The following RYR2 variants were observed in gnomAD, a reference collection of about 807,000 sequenced individuals.
RYR2 encodes the protein ryanodine receptor 2.
Under a neutral mutation model 601.1 loss-of-function variants are expected in RYR2, and 227 were observed. The observed-to-expected ratio is 0.38, with a 90% CI of 0.34 to 0.42. RYR2 has a LOEUF of 0.42. Among genes scored for constraint, RYR2 ranks in the 10% least tolerant of loss-of-function variants. The pLI, the probability that RYR2 is intolerant of heterozygous loss-of-function variation, is 1.00. For synonymous variants in RYR2, 2,223 were observed against 2,175.1 expected, an observed-to-expected ratio of 1.02 and a Z score of -0.61; for missense variants, 4,646 against 6,156.5, an observed-to-expected ratio of 0.75 and a Z score of 8.21.
chr1:237,661,731 A>G (rs1223756312), intron 56 of RYR2, among the ~76,000 whole-genome samples: 2 of 152,164 alleles, frequency 1.3e-5, no homozygotes, highest in Non-Finnish European at 2.9e-5. Flanking sequence ...ATACAGCCAC[A>G]CAGGCAGAGC....
At chr1:237,741,026 C>T (rs1691562649) in intron 79 of RYR2, among the ~76,000 whole-genome samples, 1 of 152,184 alleles carries the variant, frequency 6.6e-6, no homozygotes, top group African/African-American at 2.4e-5. Context: ...ACATTTCCTG[C>T]TTTCTGAGGG....
At chr1:237,084,232 G>A (rs768893428) in intron 1 of RYR2, among the ~76,000 whole-genome samples, 3 of 151,988 alleles carry the variant, frequency 2.0e-5, no homozygotes, top group Non-Finnish European at 4.4e-5. Flanking sequence ...TTTCAAATTC[G>A]GCTTATCCCA....
chr1:237,199,661 T>A (rs1454016452), intron 1 of RYR2, among the ~76,000 whole-genome samples: 1 of 152,200 alleles, frequency 6.6e-6, no homozygotes, highest in Non-Finnish European at 1.5e-5. Flanking sequence ...AACAATACTT[T>A]GCATCCTTCA....
In RYR2 at chr1:237,702,566, G is replaced by A. The variant is rs182536296; in HGVS notation, c.9449+507G>A. ...CTGTGAACCAGAGAAGAAAAACAGG[G>A]AAGTTTTTTTAAAAGGTCAGAATAA... is the stretch of plus-strand genomic sequence containing the variant. On this transcript the variant is annotated intron_variant, in intron 66 of 104. Coordinates refer to ENST00000366574, the MANE Select transcript of RYR2 (RefSeq NM_001035.3). Among the ~76,000 whole-genome samples, 126 of 152,112 alleles carry A rather than the reference G, an allele frequency of 8.3e-4. 1 individual carries two copies. In the South Asian group the frequency reaches 0.01, roughly 12 times the overall value.
chr1:237,731,918 A>ACACACACACACACACC lies in RYR2; in HGVS notation c.10936-127_10936-126insACACACACACACACCC, dbSNP rs753519564. The stretch of plus-strand genomic sequence containing the variant: ...CACACACACACACACACACACACAC[A>ACACACACACACACACC]CCCCACAACAGGGAAGGAGGAACGT... On this transcript the variant is annotated intron_variant, in intron 77 of 104. Coordinates refer to ENST00000366574, the MANE Select transcript of RYR2 (RefSeq NM_001035.3). The ACACACACACACACACC allele has an allele frequency of 2.7e-4, 163 of 607,294 alleles. 1 individual carries two copies. The African/African-American group carries it at 2.8e-3, about 10-fold the overall frequency. The allele number at this position is 607,294 out of a possible 1,614,324, so 37.6% of individuals were successfully genotyped here. A position where few individuals can be genotyped will look rare whatever the true frequency, so the allele number is the denominator to read the frequency against.
chr1:237,208,672 C>A (rs1443018001), intron 1 of RYR2, among the ~76,000 whole-genome samples: 1 of 151,682 alleles, frequency 6.6e-6, no homozygotes, highest in East Asian at 1.9e-4. Context: ...AGCTAATGAA[C>A]GTATTTATGA....
intron 43 of RYR2, 124 bp downstream of exon 43, chr1:237,633,834 T>C (rs2148701934): frequency 2.1e-6 from 2 of 964,942 alleles, no homozygotes; most frequent in African/African-American, 1.7e-5. Context: ...AGAAGACAGA[T>C]AGTTGGCCAA....
intron 97 of RYR2, among the ~76,000 whole-genome samples, chr1:237,799,108 T>C (rs1659641312): frequency 6.6e-6 from 1 of 152,190 alleles, no homozygotes; most frequent in Non-Finnish European, 1.5e-5. Flanking sequence ...CTTATTAAGG[T>C]GAACTTGTTT....
intron 17 of RYR2, among the ~76,000 whole-genome samples, chr1:237,472,226 C>G (rs1339590286): frequency 1.3e-5 from 2 of 152,204 alleles, no homozygotes; most frequent in African/African-American, 2.4e-5. Flanking sequence ...AAAGTGCATA[C>G]ATATGCATCA....
chr1:237,409,613 T>A (rs1341211672), intron 10 of RYR2, among the ~76,000 whole-genome samples: 1 of 152,166 alleles, frequency 6.6e-6, no homozygotes, highest in African/African-American at 2.4e-5. Context: ...ATATTTTGTT[T>A]AGATTATGAA....
At chr1:237,497,659 T>C (rs1056200306) in intron 20 of RYR2, among the ~76,000 whole-genome samples, 1 of 152,198 alleles carries the variant, frequency 6.6e-6, no homozygotes, top group Non-Finnish European at 1.5e-5. Flanking sequence ...GATAGACATT[T>C]ATGAATGCTT....
At chr1:237,268,602 A>G (rs925133236) in intron 1 of RYR2, among the ~76,000 whole-genome samples, 1 of 152,142 alleles carries the variant, frequency 6.6e-6, no homozygotes, top group Admixed American at 6.5e-5. Flanking sequence ...GGCTGGTGCT[A>G]TAAGCTACGC....
chr1:237,709,627 T>C (rs1688666209), intron 70 of RYR2, 60 bp downstream of exon 70: 2 of 1,009,350 alleles, frequency 2.0e-6, no homozygotes, highest in Non-Finnish European at 3.0e-6. Flanking sequence ...CTTACTTGCC[T>C]CCTAGGTTTC....
intron 33 of RYR2, 97 bp from the exon 34 acceptor site, chr1:237,595,401 T>C: frequency 7.1e-7 from 1 of 1,410,238 alleles, no homozygotes; most frequent in African/African-American, 1.4e-5. Flanking sequence ...CATGAGCTTG[T>C]TGCTTGCGCA....
intron 3 of RYR2, chr1:237,333,565 A>T: frequency 4.4e-6 from 2 of 455,742 alleles, no homozygotes; most frequent in South Asian, 3.1e-5. Context: ...GTTTACCAAG[A>T]AGGATAGATA....
At chr1:237,495,447 CATATTAAATTAT>C (rs1441670097) in intron 19 of RYR2, among the ~76,000 whole-genome samples, 1 of 152,178 alleles carries the variant, frequency 6.6e-6, no homozygotes, top group African/African-American at 2.4e-5. Flanking sequence ...AAATCAATTA[CATATTAAATTAT>C]GTTACCTCTG....
intron 1 of RYR2, among the ~76,000 whole-genome samples, chr1:237,211,468 A>G (rs1682562961): frequency 6.6e-6 from 1 of 152,160 alleles, no homozygotes; most frequent in Non-Finnish European, 1.5e-5. Context: ...TGAGGAAATG[A>G]AGGTTTAGAT....
intron 17 of RYR2, among the ~76,000 whole-genome samples, chr1:237,487,642 A>T (rs1180579442): frequency 6.7e-6 from 1 of 149,696 alleles, no homozygotes; most frequent in South Asian, 2.1e-4. Flanking sequence ...CTAAGGTGGG[A>T]GGATTGCTTA....
intron 36 of RYR2, among the ~76,000 whole-genome samples, chr1:237,612,063 T>A (rs1677938476): frequency 6.6e-6 from 1 of 152,112 alleles, no homozygotes; most frequent in African/African-American, 2.4e-5. Flanking sequence ...ATGTGATATA[T>A]CCATATAATA....
Sources: gnomAD v4.1 joint callset for allele counts (sites outside exome capture counted in the v4.1 genomes callset) on GRCh38, gnomAD v4.1.1 for gene constraint, MANE v1.5 for transcripts, NCBI Gene and HGNC (gene_info 2026-07-23, HGNC 2026-07-21) for gene names.